Variants in HTR3B observed in about 807,000 individuals in gnomAD.
HTR3B encodes the protein 5-hydroxytryptamine (serotonin) receptor 3B, ionotropic.
In HTR3B, 44 loss-of-function variants were observed where a neutral mutation model predicts 42.8. The ratio of observed to expected loss-of-function variants is 1.03; its 90% CI spans 0.81 to 1.32. The LOEUF is 1.32. Among genes scored for constraint, HTR3B ranks in the 40% most tolerant of loss-of-function variants. The pLI, the probability that HTR3B is intolerant of heterozygous loss-of-function variation, is 0.00. For synonymous variants in HTR3B, 203 were observed against 209.0 expected (o/e 0.97, Z 0.25); for missense variants, 527 against 536.5 (o/e 0.98, Z 0.17).
intron 6 of HTR3B, 133 bp from the exon 7 acceptor site, chr11:113,942,849 G>A: frequency 1.4e-6 from 1 of 726,562 alleles, no homozygotes; most frequent in Non-Finnish European, 2.3e-6. Context: ...ATATTTCTAA[G>A]ATAAATTAGA....
At position 113,909,174 on chromosome 11, in the gene HTR3B, G is replaced by C. The variant is rs1222969404; in HGVS notation, c.53-121G>C. Reference sequence around the variant, plus strand: ...CACCAGCTGGCTGTGAATTGATGCAGATTTTGGTGAGCTGAAAGCTATATT... The same window carrying C: ...CACCAGCTGGCTGTGAATTGATGCACATTTTGGTGAGCTGAAAGCTATATT... On this transcript the variant is annotated intron_variant, in intron 1 of 8. Transcript: ENST00000260191. 3 of 766,710 alleles carry C rather than the reference G, an allele frequency of 3.9e-6. No individual in the cohort carries two copies. In the East Asian group the frequency reaches 7.5e-5, roughly 19 times the overall value. The allele number at this position is 766,710 out of a possible 1,614,324, so 47.5% of individuals were successfully genotyped here. A position where few individuals can be genotyped will look rare whatever the true frequency, so the allele number is the denominator to read the frequency against.
At chr11:113,907,403 T>A (rs2137482503) in intron 1 of HTR3B, among the ~76,000 whole-genome samples, 1 of 152,340 alleles carries the variant, frequency 6.6e-6, no homozygotes, top group East Asian at 1.9e-4. Flanking sequence ...CTCTCTCCTG[T>A]AATTGATCTT....
chr11:113,919,602 G>A (rs1949892064), intron 2 of HTR3B, among the ~76,000 whole-genome samples: 1 of 152,132 alleles, frequency 6.6e-6, no homozygotes, highest in Non-Finnish European at 1.5e-5. Flanking sequence ...GCCGAGGCAG[G>A]TGGATCACCT....
chr11:113,929,951 C>G (rs895167939), intron 2 of HTR3B, among the ~76,000 whole-genome samples: 1 of 152,126 alleles, frequency 6.6e-6, no homozygotes, highest in East Asian at 1.9e-4. Flanking sequence ...CCAGGATGGT[C>G]TCCATCTCCT....
At chr11:113,937,807 G>A (rs528260940) in intron 6 of HTR3B, among the ~76,000 whole-genome samples, 1 of 152,258 alleles carries the variant, frequency 6.6e-6, no homozygotes, top group South Asian at 2.1e-4. Flanking sequence ...CAGGTCGCGT[G>A]TATTAGTGTC....
upstream of HTR3B, among the ~76,000 whole-genome samples, chr11:113,904,518 A>T (rs578036839): frequency 6.6e-6 from 1 of 152,338 alleles, no homozygotes. Context: ...GATTTCAATT[A>T]TTAATGAAAT....
chr11:113,914,050 T>A (rs892656950), intron 2 of HTR3B, among the ~76,000 whole-genome samples: 17 of 152,222 alleles, frequency 1.1e-4, no homozygotes, highest in East Asian at 7.7e-4. Context: ...TATATTTTTT[T>A]TTTTTTTATA....
chr11:113,921,145 T>C (rs1446400044), intron 2 of HTR3B, among the ~76,000 whole-genome samples: 1 of 144,184 alleles, frequency 6.9e-6, no homozygotes, highest in Non-Finnish European at 1.5e-5. Flanking sequence ...CTATTTATTT[T>C]TATTTTTTAT....
At chr11:113,938,097 C>T (rs1472904229) in intron 6 of HTR3B, among the ~76,000 whole-genome samples, 1 of 152,078 alleles carries the variant, frequency 6.6e-6, no homozygotes, top group Non-Finnish European at 1.5e-5. Flanking sequence ...TATCAGAACT[C>T]CAGTCACATT....
chr11:113,926,385 G>A (rs1293931472), intron 2 of HTR3B, among the ~76,000 whole-genome samples: 1 of 151,844 alleles, frequency 6.6e-6, no homozygotes, highest in African/African-American at 2.4e-5. Flanking sequence ...ATATACTTCT[G>A]AGTAGAATTG....
intron 2 of HTR3B, among the ~76,000 whole-genome samples, chr11:113,914,934 T>A (rs1949836738): frequency 6.6e-6 from 1 of 152,352 alleles, no homozygotes; most frequent in South Asian, 2.1e-4. Flanking sequence ...TTACACATAT[T>A]CAGTTTTTTC....
upstream of HTR3B, among the ~76,000 whole-genome samples, chr11:113,900,365 C>A (rs779169001): frequency 3.3e-5 from 5 of 152,172 alleles, no homozygotes; most frequent in Non-Finnish European, 7.3e-5. Flanking sequence ...CCACACTCAT[C>A]CTTCCAAGGA....
chr11:113,939,053 G>A (rs1290772378), intron 6 of HTR3B, among the ~76,000 whole-genome samples: 1 of 151,946 alleles, frequency 6.6e-6, no homozygotes, highest in African/African-American at 2.4e-5. Flanking sequence ...AGAAAAAGGT[G>A]GATTCTTTCT....
intron 2 of HTR3B, among the ~76,000 whole-genome samples, chr11:113,910,319 A>C (rs1227937646): frequency 6.6e-6 from 1 of 152,196 alleles, no homozygotes; most frequent in East Asian, 1.9e-4. Context: ...TAGTTGGCAG[A>C]GTTCTTAGGA....
chr11:113,927,368 T>A (rs1363198289), intron 2 of HTR3B, among the ~76,000 whole-genome samples: 1 of 152,154 alleles, frequency 6.6e-6, no homozygotes, highest in Non-Finnish European at 1.5e-5. Flanking sequence ...CTTAAAAAAA[T>A]ACTAATGTTT....
chr11:113,909,202 A>T (rs1028212095), intron 1 of HTR3B, 93 bp from the exon 2 acceptor site: 2 of 958,216 alleles, frequency 2.1e-6, no homozygotes, highest in Non-Finnish European at 3.3e-6. Context: ...GCTATATTCT[A>T]GTAAAAGCCA....
intron 2 of HTR3B, among the ~76,000 whole-genome samples, chr11:113,914,691 C>T (rs1160527696): frequency 6.6e-6 from 1 of 151,760 alleles, no homozygotes; most frequent in Non-Finnish European, 1.5e-5. Flanking sequence ...ATATATTACA[C>T]GTTTGTTGAT....
intron 2 of HTR3B, among the ~76,000 whole-genome samples, chr11:113,912,008 C>T (rs775655808): frequency 9.2e-5 from 14 of 152,066 alleles, no homozygotes; most frequent in Non-Finnish European, 1.6e-4. Context: ...TGTGTGTACT[C>T]GATTGTGTCT....
intron 1 of HTR3B, among the ~76,000 whole-genome samples, chr11:113,907,879 A>G (rs1032584226): frequency 1.3e-5 from 2 of 152,168 alleles, no homozygotes; most frequent in African/African-American, 4.8e-5. Flanking sequence ...AAGCACTGGG[A>G]CAGCTTTGCC....
Sources: allele counts gnomAD v4.1 joint callset (sites outside exome capture counted in the v4.1 genomes callset), GRCh38; gene constraint gnomAD v4.1.1; transcripts MANE v1.5; gene names NCBI Gene and HGNC (gene_info 2026-07-23, HGNC 2026-07-21).